The following PPP4R2 variants were observed in gnomAD, a reference collection of about 807,000 sequenced individuals.
PPP4R2 encodes protein phosphatase 4 regulatory subunit 2.
Under a neutral mutation model 47.2 loss-of-function variants are expected in PPP4R2, and 13 were observed. The observed-to-expected ratio is 0.28, with a 90% confidence interval of 0.18 to 0.44. The LOEUF (loss-of-function observed/expected upper bound fraction) is 0.44. PPP4R2 is among the 20% of genes least tolerant of loss of function. PPP4R2 has a pLI of 1.00. For missense variants in PPP4R2, 421 were observed against 491.2 expected (o/e 0.86, Z 1.35); for synonymous variants, 151 against 163.3 (o/e 0.92, Z 0.57).
At chr3:73,002,629 C>CTT (rs1245599779) in intron 2 of PPP4R2, among the ~76,000 whole-genome samples, 54 of 82,990 alleles carry the variant, frequency 6.5e-4, no homozygotes, top group African/African-American at 2.2e-3. Flanking sequence ...CTTTTCTTTT[C>CTT]TTTTCTTTTT....
chr3:73,014,903 T>C (rs1367461403), intron 2 of PPP4R2: 9 of 650,670 alleles, frequency 1.4e-5, no homozygotes, highest in African/African-American at 1.8e-5. Flanking sequence ...GGGGTCTTGC[T>C]GTGTTGCCCA....
At chr3:73,057,078 G>T (rs1401007168) in intron 3 of PPP4R2, among the ~76,000 whole-genome samples, 1 of 152,100 alleles carries the variant, frequency 6.6e-6, no homozygotes, top group African/African-American at 2.4e-5. Context: ...TAGGTGTGTT[G>T]TGTGTGTAAG....
At chr3:73,007,811 A>C (rs1156955453) in intron 2 of PPP4R2, among the ~76,000 whole-genome samples, 1 of 151,946 alleles carries the variant, frequency 6.6e-6, no homozygotes, top group Admixed American at 6.6e-5. Flanking sequence ...CTTAAGAGGG[A>C]ATTTTGTTTT....
chr3:73,006,938 C>A lies in PPP4R2; in HGVS notation c.116+8780C>A, dbSNP rs957289295. Among the ~76,000 whole-genome samples the A allele has an allele frequency of 5.6e-5, 6 of 107,460 alleles. No homozygotes were observed. The South Asian group carries it at 1.0e-3, about 18-fold the overall frequency. The allele number at this position is 107,460 out of a possible 152,430, so 70.5% of individuals were successfully genotyped here. A position where few individuals can be genotyped will look rare whatever the true frequency, so the allele number is the denominator to read the frequency against. On this transcript the variant is annotated intron_variant, in intron 2 of 8. Coordinates refer to ENST00000356692, the MANE Select transcript of PPP4R2 (RefSeq NM_174907.4). ...ATGTGACTATCAGTTTTTCCTCATCCACTTTTTGAGTCTGTGGGAATACTG... is the reference window on the plus strand; with the variant it reads ...ATGTGACTATCAGTTTTTCCTCATCAACTTTTTGAGTCTGTGGGAATACTG...
intron 3 of PPP4R2, among the ~76,000 whole-genome samples, chr3:73,050,912 C>CT (rs1242833287): frequency 1.6e-4 from 25 of 151,860 alleles, no homozygotes; most frequent in Admixed American, 5.2e-4. Flanking sequence ...AGATTGTTGC[C>CT]TTTTTTTTAT....
At chr3:73,057,218 G>T (rs192164883) in intron 3 of PPP4R2, among the ~76,000 whole-genome samples, 5 of 152,146 alleles carry the variant, frequency 3.3e-5, no homozygotes. Flanking sequence ...TGTGGAAAAT[G>T]CTTAAACATT....
chr3:73,008,429 C>G (rs1021300654), intron 2 of PPP4R2, among the ~76,000 whole-genome samples: 2 of 152,162 alleles, frequency 1.3e-5, no homozygotes, highest in Admixed American at 1.3e-4. Context: ...GTTAATTTTT[C>G]TTATCTTCAT....
intron 2 of PPP4R2, among the ~76,000 whole-genome samples, chr3:73,035,858 C>T (rs944816815): frequency 6.6e-6 from 1 of 152,052 alleles, no homozygotes; most frequent in Non-Finnish European, 1.5e-5. Flanking sequence ...ACTCCTGATC[C>T]GCCCACCTCT....
At chr3:73,033,155 C>A (rs1009453085) in intron 2 of PPP4R2, among the ~76,000 whole-genome samples, 1 of 152,168 alleles carries the variant, frequency 6.6e-6, no homozygotes, top group Non-Finnish European at 1.5e-5. Flanking sequence ...GGCACAATAA[C>A]AATTTTTTTT....
intron 5 of PPP4R2, chr3:73,062,157 A>C: frequency 6.5e-7 from 1 of 1,549,160 alleles, no homozygotes; most frequent in African/African-American, 1.4e-5. Flanking sequence ...CAGATCTTAC[A>C]AAAGATCTTT....
intron 8 of PPP4R2, 98 bp from the exon 9 acceptor site, chr3:73,065,299 A>G (rs1702968326): frequency 7.5e-7 from 1 of 1,334,754 alleles, no homozygotes; most frequent in South Asian, 1.5e-5. Context: ...ATTTCAGGGG[A>G]TGTGATTTGA....
At chr3:73,065,275 G>A in intron 8 of PPP4R2, 122 bp from the exon 9 acceptor site, 9 of 1,288,938 alleles carry the variant, frequency 7.0e-6, no homozygotes, top group Non-Finnish European at 9.5e-6. Flanking sequence ...CCACCTGTAT[G>A]TAGTTGCTGC....
At chr3:73,053,798 A>G (rs950822674) in intron 3 of PPP4R2, among the ~76,000 whole-genome samples, 3 of 149,870 alleles carry the variant, frequency 2.0e-5, no homozygotes, top group Admixed American at 6.7e-5. Flanking sequence ...AGTCCCAGCT[A>G]CTCGGGAGGC....
At chr3:73,010,703 C>T (rs1175221411) in intron 2 of PPP4R2, among the ~76,000 whole-genome samples, 14 of 152,036 alleles carry the variant, frequency 9.2e-5, no homozygotes, top group East Asian at 7.7e-4. Context: ...GGATTACAGG[C>T]GCCCATCACC....
intron 2 of PPP4R2, among the ~76,000 whole-genome samples, chr3:73,004,767 A>AT (rs1474331052): frequency 1.3e-5 from 2 of 151,646 alleles, no homozygotes; most frequent in African/African-American, 2.4e-5. Flanking sequence ...TCTGATGATA[A>AT]TTTTTTTTAC....
chr3:73,065,289 A>C lies in PPP4R2; in HGVS notation c.929-108A>C, dbSNP rs1422308652. 10 of 1,319,186 alleles carry C rather than the reference A, an allele frequency of 7.6e-6. No individual in the cohort carries two copies. The African/African-American group carries it at 1.3e-4, about 18-fold the overall frequency. The allele number at this position is 1,319,186 out of a possible 1,614,324, so 81.7% of individuals were successfully genotyped here. On this transcript the variant is annotated intron_variant, in intron 8 of 8. Transcript: ENST00000356692. ...CCCACCTGTATGTAGTTGCTGCTGA[A>C]TTTCAGGGGATGTGATTTGAACTAT... is the stretch of plus-strand genomic sequence containing the variant.
chr3:73,022,097 A>G (rs956564398), intron 2 of PPP4R2, among the ~76,000 whole-genome samples: 4 of 151,610 alleles, frequency 2.6e-5, no homozygotes, highest in African/African-American at 9.7e-5. Context: ...GAGTTTCACC[A>G]TGTTGGCCAG....
intron 5 of PPP4R2, chr3:73,062,970 T>C (rs1702901825): frequency 2.3e-6 from 3 of 1,326,684 alleles, no homozygotes; most frequent in East Asian, 2.3e-5. Flanking sequence ...CATGGATGGC[T>C]CCATTGCTCT....
intron 2 of PPP4R2, among the ~76,000 whole-genome samples, chr3:73,004,944 CGTGTGTGTGTGTGTGTGTGTGT>C (rs67945272): frequency 4.3e-5 from 5 of 117,042 alleles, no homozygotes; most frequent in South Asian, 3.6e-4. Flanking sequence ...GAGTCGGAGT[CGTGTGTGTGTGTGTGTGTGTGT>C]GTGTGTGTGT....
Sources: allele counts gnomAD v4.1 joint callset (sites outside exome capture counted in the v4.1 genomes callset), GRCh38; gene constraint gnomAD v4.1.1; transcripts MANE v1.5; gene names NCBI Gene and HGNC (gene_info 2026-07-23, HGNC 2026-07-21).